RIN2: variants seen among roughly 807,000 people sequenced by gnomAD.
RIN2 encodes RAB5 interacting protein 2.
A neutral mutation model predicts 78.0 loss-of-function variants in RIN2; 36 were observed. That is an observed-to-expected ratio of 0.46 (90% CI 0.35 to 0.61). RIN2 has a LOEUF of 0.61. Among genes scored for constraint, RIN2 ranks in the 20% least tolerant of loss-of-function variants. The pLI, the probability that RIN2 is intolerant of heterozygous loss-of-function variation, is 0.00. For synonymous variants in RIN2, 466 were observed against 466.8 expected, an observed-to-expected ratio of 1.00 and a Z score of 0.02; for missense variants, 1,087 against 1,159.7, an observed-to-expected ratio of 0.94 and a Z score of 0.91.
intron 2 of RIN2, among the ~76,000 whole-genome samples, chr20:19,881,060 A>C (rs922308550): frequency 6.6e-6 from 1 of 152,230 alleles, no homozygotes; most frequent in African/African-American, 2.4e-5. Flanking sequence ...CTAGTTTCTT[A>C]CTTTTGCTAT....
intron 2 of RIN2, among the ~76,000 whole-genome samples, chr20:19,799,978 C>T (rs1419131317): frequency 6.6e-6 from 1 of 152,134 alleles, no homozygotes; most frequent in Non-Finnish European, 1.5e-5. Flanking sequence ...GTTAGGAGCC[C>T]ACGAGCATAA....
chr20:19,950,877 G>C (rs1321793361), intron 4 of RIN2, among the ~76,000 whole-genome samples: 1 of 150,210 alleles, frequency 6.7e-6, no homozygotes, highest in Non-Finnish European at 1.5e-5. Flanking sequence ...CACTGTGCCT[G>C]GCTAACCTTT....
intron 1 of RIN2, among the ~76,000 whole-genome samples, chr20:19,784,636 T>G (rs1010131295): frequency 6.6e-6 from 1 of 152,070 alleles, no homozygotes; most frequent in Admixed American, 6.6e-5. Context: ...GAGACAAAAT[T>G]CTACAGACTT....
At chr20:19,804,758 G>C (rs187834899) in intron 2 of RIN2, among the ~76,000 whole-genome samples, 2 of 152,296 alleles carry the variant, frequency 1.3e-5, no homozygotes, top group African/African-American at 4.8e-5. Context: ...GTTTGGAATA[G>C]TTTCAGAAGA....
chr20:19,946,620 G>A (rs1168245985), intron 4 of RIN2, among the ~76,000 whole-genome samples: 2 of 145,914 alleles, frequency 1.4e-5, no homozygotes, highest in Non-Finnish European at 3.0e-5. Context: ...TGAGGCACAA[G>A]AATTGTCTGA....
chr20:19,787,522 T>C (rs1044971521), intron 1 of RIN2, among the ~76,000 whole-genome samples: 2 of 151,240 alleles, frequency 1.3e-5, no homozygotes, highest in African/African-American at 4.9e-5. Flanking sequence ...AAAAGTGTAG[T>C]GATTAATGTC....
At position 19,974,932 on chromosome 20, in the gene RIN2, C is replaced by T. The variant is rs1252158717; in HGVS notation, c.907C>T (p.Arg303Trp). ...GACTCCCAACGCGAATGGCACGGAG[C>T]GGACTCGGTCCCCCCCACCCAGGCC... ...TRTPNANGTE[R>W]TRSPPPRPPP... The change falls in exon 9 of 13, where the codon CGG (arginine) becomes TGG (tryptophan). Residue 303 changes from arginine (R) to tryptophan (W), a missense_variant. Physicochemically the swap from Arg to Trp is moderately radical, Grantham distance 101. Coordinates refer to ENST00000255006, the MANE Select transcript of RIN2 (RefSeq NM_018993.4). 4.3e-6 allele frequency: 7 copies of T among 1,613,586 alleles called. No homozygotes were observed. The highest frequency in any genetic ancestry group is 4.5e-5 in the East Asian group (2 of 44,868).
intron 2 of RIN2, among the ~76,000 whole-genome samples, chr20:19,885,368 C>T (rs552583223): frequency 2.0e-5 from 3 of 152,184 alleles, no homozygotes; most frequent in Admixed American, 6.5e-5. Flanking sequence ...CAATGTATTG[C>T]GTATTTGAAA....
chr20:19,832,826 A>C (rs1206507006), intron 2 of RIN2, among the ~76,000 whole-genome samples: 1 of 152,076 alleles, frequency 6.6e-6, no homozygotes, highest in East Asian at 1.9e-4. Context: ...CACCTCCTCA[A>C]GCCCTTTGGT....
rs1568806906 is a variant in RIN2, at chr20:19,844,596, T to TGCTG, written c.-37+44849_-37+44850insGCTG. Among the ~76,000 whole-genome samples, 71 of 99,308 alleles carry TGCTG rather than the reference T, an allele frequency of 7.1e-4. 1 individual carries two copies. The highest frequency in any genetic ancestry group is 2.4e-3 in the African/African-American group (65 of 26,592). 65.1% of individuals were successfully genotyped at this position (99,308 alleles called of 152,430 possible). A position where few individuals can be genotyped will look rare whatever the true frequency, so the allele number is the denominator to read the frequency against. The stretch of plus-strand genomic sequence containing the variant: ...GAGAGCTGCTGCTGCTGCTGCTGCT[T>TGCTG]CTTCCTCTTCTTCTTCTTCTTCTTC... On this transcript the variant is annotated intron_variant, in intron 2 of 12. Transcript: ENST00000255006.
In RIN2 at chr20:19,921,493, G is replaced by A. The variant is rs372058278; in HGVS notation, c.58-13606G>A. On this transcript the variant is annotated intron_variant, in intron 3 of 12. Coordinates refer to ENST00000255006, the MANE Select transcript of RIN2 (RefSeq NM_018993.4). ...GGAAGGCGGAGAGGGAAGAGCACTTGATTCACTCAACAACTAATGTGTGCC... is the reference window on the plus strand; with the variant it reads ...GGAAGGCGGAGAGGGAAGAGCACTTAATTCACTCAACAACTAATGTGTGCC... 6.6e-5 allele frequency among the ~76,000 whole-genome samples: 10 copies of A among 152,300 alleles called. No homozygotes were observed. In the East Asian group the frequency reaches 1.9e-3, roughly 29 times the overall value.
At chr20:19,941,624 G>A (rs1364597522) in intron 4 of RIN2, among the ~76,000 whole-genome samples, 1 of 152,062 alleles carries the variant, frequency 6.6e-6, no homozygotes, top group Non-Finnish European at 1.5e-5. Flanking sequence ...CAGGTTTATG[G>A]TGAGACATTT....
At chr20:19,971,867 G>A (rs1384597468) in intron 8 of RIN2, among the ~76,000 whole-genome samples, 7 of 149,184 alleles carry the variant, frequency 4.7e-5, no homozygotes, top group East Asian at 2.0e-4. Flanking sequence ...TTAGCCTCCC[G>A]AGTAGCTGGG....
Position 19,996,741 on chromosome 20 carries a change from C to G in RIN2, c.2263C>G (p.Gln755Glu), listed in dbSNP as rs1244056740. ...LSLIKNFQEEQAARLLSSETR... is the reference protein window; with the variant it reads ...LSLIKNFQEEEAARLLSSETR... The stretch of plus-strand genomic sequence containing the variant: ...TCTGATAAAGAATTTCCAAGAAGAA[C>G]AAGCAGCGCGACTGCTCAGCTCAGA... Residue 755 changes from glutamine (Q) to glutamate (E), a missense_variant, in exon 12 of 13, where the codon CAA becomes GAA. Transcript: ENST00000255006. The G allele has an allele frequency of 1.2e-6, 2 of 1,613,756 alleles. No homozygotes were observed. The highest frequency in any genetic ancestry group is 3.3e-5 in the Admixed American group (2 of 59,968).
chr20:19,935,304 G>A (rs1265260322), intron 4 of RIN2, 105 bp downstream of exon 4: 2 of 1,264,976 alleles, frequency 1.6e-6, no homozygotes, highest in Non-Finnish European at 1.1e-6. Context: ...CTGGGAGCTG[G>A]GAGTGTGGTA....
At chr20:19,762,166 CAT>C (rs2122293300) in intron 1 of RIN2, among the ~76,000 whole-genome samples, 1 of 152,312 alleles carries the variant, frequency 6.6e-6, no homozygotes, top group African/African-American at 2.4e-5. Flanking sequence ...AATCCCTCCT[CAT>C]AGGAGCTGCA....
chr20:19,876,780 G>A (rs576874048), intron 2 of RIN2, among the ~76,000 whole-genome samples: 58 of 151,820 alleles, frequency 3.8e-4, no homozygotes, highest in Middle Eastern at 3.4e-3. Context: ...TGGCGGGTGC[G>A]TGTAATTCCA....
rs562877218 is a variant in RIN2, at chr20:19,784,573, C to T, written c.-162-15049C>T. ...ATAACTTAAAAAAATTTACCCAAAT[C>T]AACAAATAGAGCAAATAAAACCATT... On this transcript the variant is annotated intron_variant, in intron 1 of 12. Coordinates refer to ENST00000255006, the MANE Select transcript of RIN2 (RefSeq NM_018993.4). 5.3e-5 allele frequency among the ~76,000 whole-genome samples: 8 copies of T among 152,212 alleles called. No homozygotes were observed. The South Asian group carries it at 1.5e-3, about 28-fold the overall frequency.
intron 3 of RIN2, among the ~76,000 whole-genome samples, chr20:19,908,352 G>A (rs1289895943): frequency 2.6e-5 from 4 of 152,212 alleles, no homozygotes; most frequent in Non-Finnish European, 2.9e-5. Context: ...TTAGCCGGAC[G>A]TGGTGGCGGG....
Sources: allele counts gnomAD v4.1 joint callset (sites outside exome capture counted in the v4.1 genomes callset), GRCh38; gene constraint gnomAD v4.1.1; transcripts MANE v1.5; gene names NCBI Gene and HGNC (gene_info 2026-07-23, HGNC 2026-07-21).